Variants in DISC1 observed in about 807,000 individuals in gnomAD.
DISC1 encodes the protein disrupted in schizophrenia 1 protein.
A neutral mutation model predicts 84.5 loss-of-function variants in DISC1; 57 were observed. The ratio of observed to expected loss-of-function variants is 0.67; its 90% CI spans 0.55 to 0.84. DISC1 has a LOEUF of 0.84. Ranked by LOEUF, DISC1 falls within the 40% of genes least tolerant of loss-of-function variation. DISC1 has a pLI of 0.00. For synonymous variants in DISC1, 411 were observed against 415.2 expected (o/e 0.99, Z 0.12); for missense variants, 1,000 against 1,057.8 (o/e 0.95, Z 0.76).
chr1:231,970,169 T>C (rs902718890), intron 10 of DISC1, among the ~76,000 whole-genome samples: 3 of 152,188 alleles, frequency 2.0e-5, no homozygotes, highest in African/African-American at 7.2e-5. Context: ...CCTGAGGAAT[T>C]GCCACACTGT....
At chr1:231,997,712 G>A (rs1202624801) in intron 10 of DISC1, among the ~76,000 whole-genome samples, 1 of 152,038 alleles carries the variant, frequency 6.6e-6, no homozygotes, top group Non-Finnish European at 1.5e-5. Flanking sequence ...ACAATTGAGG[G>A]AGACTATATT....
chr1:231,844,517 C>T (rs1272099738), intron 9 of DISC1, among the ~76,000 whole-genome samples: 1 of 152,064 alleles, frequency 6.6e-6, no homozygotes, highest in Non-Finnish European at 1.5e-5. Flanking sequence ...TTTAGGGAGA[C>T]ATGAGACATC....
chr1:231,721,399 T>A (rs2069674290), intron 3 of DISC1, among the ~76,000 whole-genome samples: 1 of 152,220 alleles, frequency 6.6e-6, no homozygotes, highest in African/African-American at 2.4e-5. Context: ...AGTACCACAG[T>A]TGAGGATTTG....
At chr1:231,822,219 A>G (rs892891245) in intron 9 of DISC1, among the ~76,000 whole-genome samples, 47 of 152,188 alleles carry the variant, frequency 3.1e-4, no homozygotes, top group Admixed American at 9.8e-4. Flanking sequence ...CATGTTAATG[A>G]ATTTTCCCAC....
At chr1:231,785,922 A>G (rs2077818459) in intron 6 of DISC1, among the ~76,000 whole-genome samples, 2 of 152,128 alleles carry the variant, frequency 1.3e-5, no homozygotes, top group South Asian at 4.1e-4. Flanking sequence ...TAGCTGAAAA[A>G]CACATCCCTC....
rs745408546 is a variant in DISC1 at position 232,036,732 on chromosome 1, G to T, written c.2466G>T (p.Leu822=). 1.9e-6 allele frequency: 3 copies of T among 1,606,992 alleles called. No homozygotes were observed. Among genetic ancestry groups the T allele is most frequent in the Non-Finnish European group, 2.6e-6 (3 of 1,174,788 alleles). ...AGCTCCAGATGGTGAAGGAAACTCT[G>T]CAGGCCATGATCCTGCAGCTCCAGC... is the stretch of plus-strand genomic sequence containing the variant. ...RRELQMVKET[L]QAMILQLQPA... is the part of the protein sequence containing the mutation. The change falls in exon 13 of 13, where the codon CTG becomes CTT. Residue 822 remains leucine, a synonymous_variant. Coordinates refer to ENST00000439617, the MANE Select transcript of DISC1 (RefSeq NM_018662.3).
rs140453432 is a variant in DISC1 at position 231,978,817 on chromosome 1, G to T, written c.2042+19929G>T. ...ATCAGTGTTTACTCCAAAAAAGCCC[G>T]TGTTTCTTTTAGTAGGAAACGGTAT... On this transcript the variant is annotated intron_variant, in intron 10 of 12. Coordinates refer to ENST00000439617, the MANE Select transcript of DISC1 (RefSeq NM_018662.3). Among the ~76,000 whole-genome samples, 398 of 152,118 alleles carry T rather than the reference G, an allele frequency of 2.6e-3. 3 individuals are homozygous for T. The highest frequency in any genetic ancestry group is 8.8e-3 in the African/African-American group (363 of 41,480).
intron 3 of DISC1, among the ~76,000 whole-genome samples, chr1:231,734,481 GCTCTCT>G (rs5781667): frequency 1.9e-4 from 29 of 150,390 alleles, no homozygotes; most frequent in East Asian, 7.9e-4. Flanking sequence ...GGCATCACGT[GCTCTCT>G]CTCTCTCTCT....
At chr1:231,977,139 C>T (rs944070282) in intron 10 of DISC1, among the ~76,000 whole-genome samples, 1 of 152,180 alleles carries the variant, frequency 6.6e-6, no homozygotes, top group Admixed American at 6.5e-5. Flanking sequence ...ATGTATGCAC[C>T]TTATAAATTC....
At chr1:231,960,986 T>C (rs1660311499) in intron 10 of DISC1, among the ~76,000 whole-genome samples, 1 of 152,204 alleles carries the variant, frequency 6.6e-6, no homozygotes, top group African/African-American at 2.4e-5. Flanking sequence ...GGAGGTTACA[T>C]AGGATACAGA....
At chr1:231,733,236 G>A (rs2071839999) in intron 3 of DISC1, among the ~76,000 whole-genome samples, 1 of 151,056 alleles carries the variant, frequency 6.6e-6, no homozygotes, top group African/African-American at 2.4e-5. Flanking sequence ...GTGATGGTAG[G>A]TAGGAGTGGT....
At chr1:231,652,795 T>C (rs1372666191) in intron 1 of DISC1, among the ~76,000 whole-genome samples, 1 of 152,208 alleles carries the variant, frequency 6.6e-6, no homozygotes, top group South Asian at 2.1e-4. Flanking sequence ...TTCTTTTTTT[T>C]CTGAGATGGA....
chr1:232,030,862 C>T (rs982702839), intron 12 of DISC1, among the ~76,000 whole-genome samples: 5 of 152,074 alleles, frequency 3.3e-5, no homozygotes, highest in African/African-American at 9.7e-5. Context: ...ATCTTAATCC[C>T]GGCACTTTGG....
chr1:231,691,016 C>G (rs796948310), intron 1 of DISC1, among the ~76,000 whole-genome samples: 16 of 152,280 alleles, frequency 1.1e-4, no homozygotes, highest in African/African-American at 3.4e-4. Flanking sequence ...CCCGGCTCAT[C>G]ACAGCTTCCC....
chr1:231,854,442 A>C (rs1364298175), intron 9 of DISC1, among the ~76,000 whole-genome samples: 7 of 152,190 alleles, frequency 4.6e-5, no homozygotes, highest in African/African-American at 1.7e-4. Context: ...ACTAATATCC[A>C]TTTCCATATA....
At chr1:231,640,675 T>C (rs532816699) in intron 1 of DISC1, among the ~76,000 whole-genome samples, 2 of 151,914 alleles carry the variant, frequency 1.3e-5, no homozygotes, top group South Asian at 4.2e-4. Context: ...ACTATAGGAG[T>C]GTGTCACAAT....
intron 1 of DISC1, among the ~76,000 whole-genome samples, chr1:231,641,697 G>C (rs574962385): frequency 1.3e-5 from 2 of 152,222 alleles, no homozygotes; most frequent in African/African-American, 2.4e-5. Context: ...TGATTGGTAC[G>C]TTTACAATCC....
At chr1:231,911,164 AGCC>A in intron 9 of DISC1, among the ~76,000 whole-genome samples, 1 of 152,182 alleles carries the variant, frequency 6.6e-6, no homozygotes, top group East Asian at 1.9e-4. Context: ...TGGAGCATTT[AGCC>A]CATTTACATT....
intron 9 of DISC1, chr1:231,944,784 G>A (rs977949957): frequency 1.3e-5 from 2 of 152,186 alleles, no homozygotes; most frequent in African/African-American, 4.8e-5. Flanking sequence ...AGAAGCGGAA[G>A]TTACAATCCT....
Sources: gnomAD v4.1 joint callset for allele counts (sites outside exome capture counted in the v4.1 genomes callset) on GRCh38, gnomAD v4.1.1 for gene constraint, MANE v1.5 for transcripts, NCBI Gene and HGNC (gene_info 2026-07-23, HGNC 2026-07-21) for gene names.